Variants in VIPR2 observed in about 807,000 individuals in gnomAD.
VIPR2 encodes vasoactive intestinal peptide receptor 2.
Under a neutral mutation model 58.0 loss-of-function variants are expected in VIPR2, and 48 were observed. The ratio of observed to expected loss-of-function variants is 0.83; its 90% CI spans 0.66 to 1.05. The LOEUF is 1.05. Among genes scored for constraint, VIPR2 ranks in the 50% least tolerant of loss-of-function variants. VIPR2 has a pLI of 0.00. For synonymous variants in VIPR2, 243 were observed against 235.2 expected, an observed-to-expected ratio of 1.03 and a Z score of -0.30; for missense variants, 534 against 558.0, an observed-to-expected ratio of 0.96 and a Z score of 0.43.
At chr7:159,048,684 A>G (rs553457877) in intron 5 of VIPR2, among the ~76,000 whole-genome samples, 64 of 152,364 alleles carry the variant, frequency 4.2e-4, no homozygotes, top group African/African-American at 1.4e-3. Context: ...TTAAAAGAAA[A>G]TGTTAAAATG....
intron 3 of VIPR2, among the ~76,000 whole-genome samples, chr7:159,106,745 C>A (rs1795748196): frequency 8.8e-6 from 1 of 113,108 alleles, no homozygotes; most frequent in African/African-American, 3.8e-5. Context: ...CAGGGAGGGG[C>A]AGAGAGAGGC....
At chr7:159,070,318 G>A (rs975795574) in intron 4 of VIPR2, among the ~76,000 whole-genome samples, 6 of 152,026 alleles carry the variant, frequency 3.9e-5, no homozygotes, top group Non-Finnish European at 8.8e-5. Context: ...CTGCCACTGC[G>A]GTCACTCTGG....
At chr7:159,061,882 C>T (rs1164840417) in intron 4 of VIPR2, among the ~76,000 whole-genome samples, 1 of 152,030 alleles carries the variant, frequency 6.6e-6, no homozygotes, top group African/African-American at 2.4e-5. Context: ...CCGGCTCGGA[C>T]GCACTGCTAG....
chr7:159,039,302 TACACAC>T (rs3064495), intron 6 of VIPR2, among the ~76,000 whole-genome samples: 29 of 148,914 alleles, frequency 1.9e-4, no homozygotes, highest in African/African-American at 6.2e-4. Flanking sequence ...CTACTAAAAA[TACACAC>T]ACACACACAC....
chr7:159,044,611 C>CA (rs1442381959), intron 5 of VIPR2, among the ~76,000 whole-genome samples: 41 of 147,354 alleles, frequency 2.8e-4, no homozygotes, highest in South Asian at 6.4e-4. Flanking sequence ...AAACCTAAAA[C>CA]AAAAAACCAT....
chr7:159,067,022 C>T (rs1347813908), intron 4 of VIPR2, among the ~76,000 whole-genome samples: 1 of 152,160 alleles, frequency 6.6e-6, no homozygotes, highest in Non-Finnish European at 1.5e-5. Context: ...ATACTGAGAT[C>T]GAAGTTAATT....
At position 159,098,374 on chromosome 7, in the gene VIPR2, T is replaced by C. The variant is rs1342596176; in HGVS notation, c.357+5383A>G. On this transcript the variant is annotated intron_variant, in intron 4 of 12. Coordinates refer to ENST00000262178, the MANE Select transcript of VIPR2 (RefSeq NM_003382.5). The surrounding 1 kb of genome is among the most constrained non-coding windows in gnomAD (Gnocchi z 5.2). Reference sequence around the variant, plus strand: ...GGGCAAGGACTGGGGCCATTGCTCCTTGATACACTGTGGATGAAACCCTTT... The same window carrying C: ...GGGCAAGGACTGGGGCCATTGCTCCCTGATACACTGTGGATGAAACCCTTT... Among the ~76,000 whole-genome samples the C allele has an allele frequency of 1.3e-5, 2 of 152,168 alleles. No homozygotes were observed. Among genetic ancestry groups the C allele is most frequent in the African/African-American group, 2.4e-5 (1 of 41,440 alleles).
At chr7:159,115,294 G>A (rs895442714) in intron 2 of VIPR2, among the ~76,000 whole-genome samples, 6 of 152,168 alleles carry the variant, frequency 3.9e-5, no homozygotes, top group Non-Finnish European at 8.8e-5. Flanking sequence ...CACAAATCAA[G>A]AAGCAAAAAG....
chr7:159,060,123 C>G (rs1855556472), intron 4 of VIPR2, among the ~76,000 whole-genome samples: 1 of 150,038 alleles, frequency 6.7e-6, no homozygotes, highest in Admixed American at 6.6e-5. Context: ...CCACCTTCAC[C>G]TCACCTAACC....
At chr7:159,048,708 G>A (rs1212191239) in intron 5 of VIPR2, among the ~76,000 whole-genome samples, 1 of 152,150 alleles carries the variant, frequency 6.6e-6, no homozygotes, top group African/African-American at 2.4e-5. Context: ...CTACTAGAAT[G>A]CTTACAATTA....
intron 4 of VIPR2, among the ~76,000 whole-genome samples, chr7:159,059,811 C>T (rs1290024111): frequency 6.7e-6 from 1 of 148,360 alleles, no homozygotes; most frequent in Non-Finnish European, 1.5e-5. Context: ...ACCATCACAT[C>T]ACTTCACCCA....
intron 4 of VIPR2, among the ~76,000 whole-genome samples, chr7:159,063,797 GGTGGGGTCCGGGGGT>G (rs1207218314): frequency 9.1e-5 from 10 of 109,362 alleles, no homozygotes; most frequent in African/African-American, 4.7e-4. Flanking sequence ...TGGGGGTCCT[GGTGGGGTCCGGGGGT>G]CCTGGTGGGG....
At chr7:159,144,644 G>C (rs1418759066) in intron 1 of VIPR2, 77 bp downstream of exon 1, 4 of 1,377,608 alleles carry the variant, frequency 2.9e-6, no homozygotes, top group East Asian at 5.9e-5. Flanking sequence ...GGCGAAGACC[G>C]GCGGGAGGAG....
intron 4 of VIPR2, among the ~76,000 whole-genome samples, chr7:159,085,786 CA>C (rs1857137443): frequency 6.6e-6 from 1 of 152,070 alleles, no homozygotes; most frequent in Non-Finnish European, 1.5e-5. Context: ...GATTCCAACC[CA>C]AGACATTCTG....
At position 159,057,605 on chromosome 7, in the gene VIPR2, T is replaced by C. The variant is rs537956333; in HGVS notation, c.455+876A>G. Among the ~76,000 whole-genome samples the C allele has an allele frequency of 4.6e-5, 7 of 152,342 alleles. No homozygotes were observed. In the South Asian group the frequency reaches 1.5e-3, roughly 32 times the overall value. On this transcript the variant is annotated intron_variant, in intron 5 of 12. Coordinates refer to ENST00000262178, the MANE Select transcript of VIPR2 (RefSeq NM_003382.5). ...TCTGACATACTGGCAAACATTTCGA[T>C]TACATTTTAGCAAAGAGAAATAAAA...
chr7:159,042,901 GCTCT>G lies in VIPR2; in HGVS notation c.597+130_597+133del, dbSNP rs202015318. ...GTTCTGGCCCCAGCCTCTCTGCCAG[GCTCT>G]CTGTTTCTCAGCCATGACCCTGTGC... On this transcript the variant is annotated intron_variant, in intron 6 of 12. Transcript: ENST00000262178. 1,756 of 1,244,806 alleles carry G rather than the reference GCTCT, an allele frequency of 1.4e-3. 19 individuals are homozygous for G. In the African/African-American group the frequency reaches 0.022, roughly 15 times the overall value. The allele number at this position is 1,244,806 out of a possible 1,614,324, so 77.1% of individuals were successfully genotyped here. A position where few individuals can be genotyped will look rare whatever the true frequency, so the allele number is the denominator to read the frequency against.
intron 4 of VIPR2, among the ~76,000 whole-genome samples, chr7:159,084,166 G>A (rs191311004): frequency 3.3e-5 from 5 of 152,358 alleles, no homozygotes; most frequent in East Asian, 3.9e-4. Context: ...GCTTCTGTCC[G>A]GTCCTTAGTA....
chr7:159,069,746 G>C (rs1033660303), intron 4 of VIPR2, among the ~76,000 whole-genome samples: 1 of 152,106 alleles, frequency 6.6e-6, no homozygotes, highest in Non-Finnish European at 1.5e-5. Flanking sequence ...CCCCAAATAA[G>C]GGAAACTAAT....
At chr7:159,059,519 G>A (rs1855511176) in intron 4 of VIPR2, among the ~76,000 whole-genome samples, 1 of 152,092 alleles carries the variant, frequency 6.6e-6, no homozygotes, top group African/African-American at 2.4e-5. Flanking sequence ...TTATTAGTTT[G>A]GCTCTTAAGT....
Sources: gnomAD v4.1 joint callset for allele counts (sites outside exome capture counted in the v4.1 genomes callset) on GRCh38, gnomAD v4.1.1 for gene constraint, Gnocchi (gnomAD v3.1) non-coding constraint, MANE v1.5 for transcripts, NCBI Gene and HGNC (gene_info 2026-07-23, HGNC 2026-07-21) for gene names.